Variants in ABCC11 observed in about 807,000 individuals in gnomAD.
ABCC11 encodes ATP-binding cassette sub-family C member 11.
Under a neutral mutation model 149.3 loss-of-function variants are expected in ABCC11, and 135 were observed. That is an observed-to-expected ratio of 0.90 (90% CI 0.79 to 1.04). ABCC11 has a LOEUF of 1.04. Ranked by LOEUF, ABCC11 falls within the 50% of genes least tolerant of loss-of-function variation. The pLI, the probability that ABCC11 is intolerant of heterozygous loss-of-function variation, is 0.00. For missense variants in ABCC11, 1,680 were observed against 1,722.1 expected (o/e 0.98, Z 0.43); for synonymous variants, 665 against 671.4 (o/e 0.99, Z 0.15).
intron 1 of ABCC11, 82 bp from the exon 2 acceptor site, chr16:48,232,021 G>A: frequency 4.4e-6 from 7 of 1,585,564 alleles, no homozygotes; most frequent in Non-Finnish European, 6.0e-6. Context: ...AGCCAGAAGA[G>A]GGGGCACTAC....
At chr16:48,201,457 C>CT (rs1967963479) in intron 14 of ABCC11, among the ~76,000 whole-genome samples, 1 of 149,698 alleles carries the variant, frequency 6.7e-6, no homozygotes, top group African/African-American at 2.5e-5. Context: ...TGTTTTTAAA[C>CT]CTTTTTTTTT....
chr16:48,244,182 C>G (rs1017996293), intron 1 of ABCC11: 1 of 492,906 alleles, frequency 2.0e-6, no homozygotes, highest in Non-Finnish European at 3.6e-6. Context: ...CACGTCTTTC[C>G]GCATAGGTAG....
At position 48,167,034 on chromosome 16, in the gene ABCC11, AACC is replaced by A; in HGVS notation, c.*237_*239del. 1 of 522,976 alleles carries A rather than the reference AACC, an allele frequency of 1.9e-6. No homozygotes were observed. The highest frequency in any genetic ancestry group is 3.4e-6 in the Non-Finnish European group (1 of 293,302). 32.4% of individuals were successfully genotyped at this position (522,976 alleles called of 1,614,324 possible). A position where few individuals can be genotyped will look rare whatever the true frequency, so the allele number is the denominator to read the frequency against. On this transcript the variant is annotated 3_prime_UTR_variant, in exon 30 of 30. Coordinates refer to ENST00000356608, the MANE Select transcript of ABCC11 (RefSeq NM_001370497.1). ...TATTCAGCATGTAAGTTAAAAGGAG[AACC>A]ACATGATCACTGAATCCCATGTCTT...
chr16:48,219,962 C>T (rs1029899768), intron 6 of ABCC11, among the ~76,000 whole-genome samples: 2 of 152,126 alleles, frequency 1.3e-5, no homozygotes, highest in Admixed American at 6.5e-5. Context: ...GCCTGGGCAA[C>T]AATAGGGAAA....
rs747926334 is a variant in ABCC11 at position 48,187,096 on chromosome 16, T to C, written c.2934-6A>G. The C allele has an allele frequency of 5.0e-6, 8 of 1,614,080 alleles. No homozygotes were observed. The African/African-American group carries it at 5.3e-5, about 11-fold the overall frequency. ...CGATGGCCTTCTTGAACATCCTGCA[T>C]GGACAGTGGAGGTAAGGGACCTGGA... is the stretch of plus-strand genomic sequence containing the variant. On this transcript the variant is annotated splice_polypyrimidine_tract_variant and splice_region_variant and intron_variant, in intron 21 of 29. Coordinates refer to ENST00000356608, the MANE Select transcript of ABCC11 (RefSeq NM_001370497.1).
intron 28 of ABCC11, among the ~76,000 whole-genome samples, chr16:48,168,463 T>C (rs1965478130): frequency 6.6e-6 from 1 of 152,212 alleles, no homozygotes; most frequent in African/African-American, 2.4e-5. Context: ...CAACAGTTTT[T>C]GCATTTATCA....
Position 48,166,858 on chromosome 16 carries a change from C to T in ABCC11, c.*416G>A, listed in dbSNP as rs1295074792. On this transcript the variant is annotated 3_prime_UTR_variant, in exon 30 of 30. Coordinates refer to ENST00000356608, the MANE Select transcript of ABCC11 (RefSeq NM_001370497.1). ...CCAGCCTGGGCAACAGAGCAAGACC[C>T]TGTCTAAAAAAACAAAAAGAAAAGA... 2 of 166,858 alleles carry T rather than the reference C, an allele frequency of 1.2e-5. No individual in the cohort carries two copies. Among genetic ancestry groups the T allele is most frequent in the African/African-American group, 4.8e-5 (2 of 41,502 alleles). The allele number at this position is 166,858 out of a possible 1,614,324, so 10.3% of individuals were successfully genotyped here. A position where few individuals can be genotyped will look rare whatever the true frequency, so the allele number is the denominator to read the frequency against.
At chr16:48,205,996 G>C (rs1968414904) in intron 12 of ABCC11, among the ~76,000 whole-genome samples, 1 of 152,096 alleles carries the variant, frequency 6.6e-6, no homozygotes, top group African/African-American at 2.4e-5. Context: ...ATTTTTAGTA[G>C]AGACAGGGTT....
chr16:48,178,497 A>T, intron 24 of ABCC11, 100 bp downstream of exon 24: 1 of 1,103,012 alleles, frequency 9.1e-7, no homozygotes, highest in Non-Finnish European at 1.3e-6. Flanking sequence ...GTTTCCTGGG[A>T]TGGTCTCAGG....
chr16:48,182,813 C>T (rs893427383), intron 23 of ABCC11, among the ~76,000 whole-genome samples: 4 of 150,710 alleles, frequency 2.7e-5, no homozygotes, highest in South Asian at 2.1e-4. Flanking sequence ...ACATGTGGTT[C>T]GGGATATCCA....
rs146427039 is a variant in ABCC11, at chr16:48,205,526, G to C, written c.1692C>G (p.Leu564=). The C allele has an allele frequency of 1.2e-6, 2 of 1,613,844 alleles. No individual in the cohort carries two copies. Among genetic ancestry groups the C allele is most frequent in the South Asian group, 2.2e-5 (2 of 91,052 alleles). ...LSAILEEMHL[L]EGSVGVQGSL... is the part of the protein sequence containing the mutation. ...TTCCCTGCACCCCCACCGAGCCCTC[G>C]AGCAAGTGCATCTGCGGCAGAATGA... The change falls in exon 13 of 30, where the codon CTC becomes CTG. Residue 564 remains leucine (L), a synonymous_variant. Coordinates refer to ENST00000356608, the MANE Select transcript of ABCC11 (RefSeq NM_001370497.1).
At chr16:48,238,418 T>C (rs1343371826) in intron 1 of ABCC11, among the ~76,000 whole-genome samples, 1 of 152,084 alleles carries the variant, frequency 6.6e-6, no homozygotes, top group African/African-American at 2.4e-5. Context: ...TGCAATTAGC[T>C]CAGGGCCTGG....
chr16:48,175,330 A>C lies in ABCC11; in HGVS notation c.3626T>G (p.Ile1209Ser), dbSNP rs1335291022. 9.9e-6 allele frequency: 16 copies of C among 1,614,080 alleles called. No homozygotes were observed. Among genetic ancestry groups the C allele is most frequent in the Non-Finnish European group, 1.3e-5 (15 of 1,180,008 alleles). Residue 1209 changes from isoleucine to serine, a missense_variant, in exon 26 of 30, where the codon ATC becomes AGC. Coordinates refer to ENST00000356608, the MANE Select transcript of ABCC11 (RefSeq NM_001370497.1). ...CTTGGACCGCAAGTCCTCCAGGCCG[A>C]TGCTGCAAATGTCCACGCCGTCAAT... ...ILIDGVDICS[I>S]GLEDLRSKLS...
chr16:48,247,179 T>C (rs1383586563), intron 1 of ABCC11, 135 bp downstream of exon 1: 16 of 152,450 alleles, frequency 1.0e-4, no homozygotes, highest in East Asian at 5.8e-4. Flanking sequence ...GTTTCCAATG[T>C]CTTTTTTTCT....
Position 48,205,644 on chromosome 16 carries a change from G to A in ABCC11, c.1681-107C>T. On this transcript the variant is annotated intron_variant, in intron 12 of 29. Coordinates refer to ENST00000356608, the MANE Select transcript of ABCC11 (RefSeq NM_001370497.1). Reference sequence around the variant, plus strand: ...GCCCCACTGCCCTCCAGGACCTTGGGGGCTCTCCTAGGTAAAAGGGACTTT... The same window carrying A: ...GCCCCACTGCCCTCCAGGACCTTGGAGGCTCTCCTAGGTAAAAGGGACTTT... 2.8e-6 allele frequency: 4 copies of A among 1,436,196 alleles called. No homozygotes were observed. In the South Asian group the frequency reaches 4.1e-5, roughly 15 times the overall value. 89.0% of individuals were successfully genotyped at this position (1,436,196 alleles called of 1,614,324 possible). A position where few individuals can be genotyped will look rare whatever the true frequency, so the allele number is the denominator to read the frequency against.
intron 1 of ABCC11, among the ~76,000 whole-genome samples, chr16:48,237,613 C>A (rs75269167): frequency 0.047 from 7,146 of 152,204 alleles, 236 homozygotes; most frequent in Middle Eastern, 0.15. Flanking sequence ...TAATGTTATT[C>A]CTCAACTTGA....
At chr16:48,213,296 G>T in intron 10 of ABCC11, 147 bp downstream of exon 10, 1 of 637,856 alleles carries the variant, frequency 1.6e-6, no homozygotes, top group Non-Finnish European at 2.7e-6. Context: ...CTCCACACCA[G>T]CCTTGGAACA....
intron 3 of ABCC11, 126 bp downstream of exon 3, chr16:48,230,311 G>T: frequency 1.7e-6 from 2 of 1,194,226 alleles, no homozygotes; most frequent in Non-Finnish European, 2.3e-6. Context: ...GCCTCAGGCT[G>T]CTCTGAAGGG....
At chr16:48,191,467 G>A (rs892555424) in intron 20 of ABCC11, among the ~76,000 whole-genome samples, 4 of 152,280 alleles carry the variant, frequency 2.6e-5, no homozygotes, top group South Asian at 2.1e-4. Context: ...CCAGGAGGTC[G>A]AGACTGCAGT....
Sources: allele counts gnomAD v4.1 joint callset (sites outside exome capture counted in the v4.1 genomes callset), GRCh38; gene constraint gnomAD v4.1.1; transcripts MANE v1.5; gene names NCBI Gene and HGNC (gene_info 2026-07-23, HGNC 2026-07-21).